The following SCN8A variants were observed in gnomAD, a reference collection of about 807,000 sequenced individuals.
SCN8A encodes sodium voltage-gated channel alpha subunit 8, also known as sodium channel protein type 8 subunit alpha.
In SCN8A, 30 loss-of-function variants were observed where a neutral mutation model predicts 184.1. The ratio of observed to expected loss-of-function variants is 0.16; its 90% CI spans 0.12 to 0.22. The LOEUF (loss-of-function observed/expected upper bound fraction) is 0.22, where lower values mean the gene tolerates loss of function less well. Among genes scored for constraint, SCN8A ranks in the 10% least tolerant of loss-of-function variants. The pLI is 1.00. For synonymous variants in SCN8A, 852 were observed against 907.0 expected, an observed-to-expected ratio of 0.94 and a Z score of 1.09; for missense variants, 1,057 against 2,498.9, an observed-to-expected ratio of 0.42 and a Z score of 12.30.
chr12:51,606,821 C>T (rs1408876654), intron 1 of SCN8A, among the ~76,000 whole-genome samples: 1 of 144,836 alleles, frequency 6.9e-6, no homozygotes, highest in African/African-American at 2.6e-5. Flanking sequence ...AGGTATATTC[C>T]TAAGTATTTT....
At chr12:51,738,653 G>A (rs941926067) in intron 12 of SCN8A, among the ~76,000 whole-genome samples, 1 of 152,028 alleles carries the variant, frequency 6.6e-6, no homozygotes, top group Non-Finnish European at 1.5e-5. Flanking sequence ...TGTGCTATGC[G>A]CTCTCCTGGC....
intron 1 of SCN8A, among the ~76,000 whole-genome samples, chr12:51,604,561 G>A (rs1353737053): frequency 6.6e-6 from 1 of 151,612 alleles, no homozygotes; most frequent in Non-Finnish European, 1.5e-5. Flanking sequence ...ATGGAGTTTC[G>A]CTCTTGTTGC....
intron 11 of SCN8A, chr12:51,713,583 A>G (rs1941917552): frequency 1.4e-6 from 1 of 694,184 alleles, no homozygotes; most frequent in Non-Finnish European, 2.6e-6. Flanking sequence ...ACTGGGGGCG[A>G]CCAGGCGGTG....
At chr12:51,700,475 G>A (rs193097263) in intron 7 of SCN8A, among the ~76,000 whole-genome samples, 5 of 152,240 alleles carry the variant, frequency 3.3e-5, no homozygotes, top group Admixed American at 2.6e-4. Context: ...TATTGCAGTC[G>A]ATCTAGTCTA....
intron 25 of SCN8A, among the ~76,000 whole-genome samples, chr12:51,791,905 T>C (rs1304840928): frequency 6.6e-6 from 1 of 152,020 alleles, no homozygotes; most frequent in Non-Finnish European, 1.5e-5. Context: ...ATAAAATATT[T>C]TAAAAAGTAG....
chr12:51,796,957 T>C (rs530767379), intron 26 of SCN8A, among the ~76,000 whole-genome samples: 63 of 152,280 alleles, frequency 4.1e-4, no homozygotes, highest in African/African-American at 1.4e-3. Context: ...CCCACCCACA[T>C]TGAGGGTGGG....
chr12:51,769,448 AT>A, intron 17 of SCN8A, 113 bp downstream of exon 17: 1 of 712,034 alleles, frequency 1.4e-6, no homozygotes, highest in Non-Finnish European at 2.3e-6. Flanking sequence ...GGAATAACCA[AT>A]TTACTTGGAG....
Position 51,809,391 on chromosome 12 carries a change from A to C in SCN8A, c.*1962A>C, listed in dbSNP as rs1359657081. The C allele has an allele frequency of 6.6e-6, 1 of 152,238 alleles. No individual in the cohort carries two copies. The highest frequency in any genetic ancestry group is 1.5e-5 in the Non-Finnish European group (1 of 68,036). The allele number at this position is 152,238 out of a possible 1,614,324, so 9.4% of individuals were successfully genotyped here. A position where few individuals can be genotyped will look rare whatever the true frequency, so the allele number is the denominator to read the frequency against. ...GACACACCGATCTGCCTTGCAGTAG[A>C]AGCACTTTGAAGGTAATTTCACAGT... On this transcript the variant is annotated 3_prime_UTR_variant, in exon 27 of 27. Transcript: ENST00000627620.
intron 19 of SCN8A, among the ~76,000 whole-genome samples, chr12:51,771,042 G>A (rs1228285930): frequency 5.3e-5 from 8 of 152,132 alleles, no homozygotes. Flanking sequence ...TCCACTTACT[G>A]TCCCTTCACA....
intron 12 of SCN8A, among the ~76,000 whole-genome samples, chr12:51,727,240 T>A (rs1222012991): frequency 3.9e-5 from 6 of 152,078 alleles, no homozygotes; most frequent in African/African-American, 1.4e-4. Flanking sequence ...CCAAAGAACT[T>A]ACTTAAGGTT....
rs144885630 is a variant in SCN8A, at chr12:51,729,204, C to T, written c.1998+7296C>T. 5.4e-3 allele frequency among the ~76,000 whole-genome samples: 819 copies of T among 152,154 alleles called. 7 individuals are homozygous for T. The highest frequency in any genetic ancestry group is 0.018 in the African/African-American group (760 of 41,510). ...AATTCTGGTAGGACATTGGGTAAGC[C>T]GCACCCAAGAGTTAACCAAAGTTGT... On this transcript the variant is annotated intron_variant, in intron 12 of 26. Coordinates refer to ENST00000627620, the MANE Select transcript of SCN8A (RefSeq NM_001330260.2).
intron 12 of SCN8A, among the ~76,000 whole-genome samples, chr12:51,744,613 C>CT (rs1410294336): frequency 0.11 from 15,424 of 137,512 alleles, 1,859 homozygotes; most frequent in African/African-American, 0.3. Flanking sequence ...TGATGAAACA[C>CT]TTTTTTTTTT....
chr12:51,771,162 C>G (rs991699138), intron 19 of SCN8A, among the ~76,000 whole-genome samples: 6 of 152,186 alleles, frequency 3.9e-5, no homozygotes, highest in African/African-American at 1.4e-4. Flanking sequence ...ATCAGTGAAA[C>G]ATACAAGGCC....
intron 1 of SCN8A, among the ~76,000 whole-genome samples, chr12:51,613,312 A>G (rs1939764419): frequency 6.6e-6 from 1 of 152,188 alleles, no homozygotes; most frequent in Non-Finnish European, 1.5e-5. Flanking sequence ...TCAGGTTGTC[A>G]TTTCTTTTGG....
chr12:51,645,825 CAG>C (rs1220589122), intron 1 of SCN8A, among the ~76,000 whole-genome samples: 1 of 149,646 alleles, frequency 6.7e-6, no homozygotes, highest in African/African-American at 2.5e-5. Context: ...CGGAAGGCCT[CAG>C]GGTCCTCTGC....
chr12:51,728,389 C>G (rs537734553), intron 12 of SCN8A, among the ~76,000 whole-genome samples: 1 of 152,172 alleles, frequency 6.6e-6, no homozygotes, highest in Non-Finnish European at 1.5e-5. Context: ...AGCCAGGTTG[C>G]TGTCTCTGAT....
rs200546525 is a variant in SCN8A at position 51,806,976 on chromosome 12, C to T, written c.5490C>T (p.Ile1830=). 40 of 1,614,008 alleles carry T rather than the reference C, an allele frequency of 2.5e-5. No individual in the cohort carries two copies. The Admixed American group carries it at 3.0e-4, about 12-fold the overall frequency. ...CCAAGCCCAATACCATTGAGCTCAT[C>T]GCTATGGATCTGCCAATGGTGAGCG... ...RVPKPNTIEL[I]AMDLPMVSGD... Residue 1830 remains isoleucine (I), a synonymous_variant, in exon 27 of 27, where the codon ATC becomes ATT. Transcript: ENST00000627620. This position sits in a 1 kb window ranked among gnomAD's most constrained non-coding sequence, Gnocchi z 8.7.
chr12:51,766,352 A>G (rs1942838067), intron 16 of SCN8A: 2 of 365,496 alleles, frequency 5.5e-6, no homozygotes, highest in Non-Finnish European at 1.0e-5. Flanking sequence ...CCGTTCGCCT[A>G]CAGAAGCCTT....
intron 6 of SCN8A, among the ~76,000 whole-genome samples, chr12:51,695,730 A>C (rs887811979): frequency 6.6e-6 from 1 of 151,986 alleles, no homozygotes; most frequent in Non-Finnish European, 1.5e-5. Context: ...TATGGCTACC[A>C]CTTAGCTTCC....
Sources: allele counts gnomAD v4.1 joint callset (sites outside exome capture counted in the v4.1 genomes callset), GRCh38; gene constraint gnomAD v4.1.1; non-coding constraint Gnocchi (gnomAD v3.1); transcripts MANE v1.5; gene names NCBI Gene and HGNC (gene_info 2026-07-23, HGNC 2026-07-21).